SPAG16: variants seen among roughly 807,000 people sequenced by gnomAD.
SPAG16 encodes sperm associated antigen 16.
In SPAG16, 86 loss-of-function variants were observed where a neutral mutation model predicts 80.4. That is an observed-to-expected ratio of 1.07 (90% CI 0.90 to 1.28). The LOEUF (loss-of-function observed/expected upper bound fraction) is 1.28. Among genes scored for constraint, SPAG16 ranks in the 50% most tolerant of loss-of-function variants. SPAG16 has a pLI of 0.00. For missense variants in SPAG16, 870 were observed against 765.3 expected (o/e 1.14, Z -1.61); for synonymous variants, 294 against 265.9 (o/e 1.11, Z -1.03).
chr2:214,402,630 T>A (rs867038898), intron 15 of SPAG16, among the ~76,000 whole-genome samples: 18 of 152,138 alleles, frequency 1.2e-4, no homozygotes, highest in Middle Eastern at 6.8e-3. Flanking sequence ...TTCCCCTATA[T>A]CAAAAATTAA....
chr2:213,861,724 T>A (rs1046373982), intron 10 of SPAG16, among the ~76,000 whole-genome samples: 3 of 152,212 alleles, frequency 2.0e-5, no homozygotes, highest in African/African-American at 7.2e-5. Flanking sequence ...TGTAGACTTT[T>A]GATTTTAAAA....
intron 10 of SPAG16, among the ~76,000 whole-genome samples, chr2:213,807,224 T>A (rs1345611811): frequency 3.3e-5 from 5 of 152,176 alleles, no homozygotes; most frequent in South Asian, 4.1e-4. Context: ...CTCATTTGCT[T>A]CCATACTCCT....
At chr2:214,407,732 C>G (rs1325419868) in intron 15 of SPAG16, among the ~76,000 whole-genome samples, 1 of 152,116 alleles carries the variant, frequency 6.6e-6, no homozygotes, top group Non-Finnish European at 1.5e-5. Flanking sequence ...CCTCTTCTCT[C>G]TCAAACCAAT....
At chr2:214,168,506 T>TGC (rs1411865869) in intron 15 of SPAG16, among the ~76,000 whole-genome samples, 1 of 151,848 alleles carries the variant, frequency 6.6e-6, no homozygotes, top group Non-Finnish European at 1.5e-5. Flanking sequence ...CGCACACACA[T>TGC]GCACACACAC....
intron 11 of SPAG16, among the ~76,000 whole-genome samples, chr2:213,876,521 C>T (rs188840166): frequency 6.6e-6 from 1 of 152,098 alleles, no homozygotes; most frequent in Admixed American, 6.6e-5. Flanking sequence ...AGAGATTACA[C>T]CAGTACCTGA....
At chr2:214,193,331 A>G (rs2057720071) in intron 15 of SPAG16, among the ~76,000 whole-genome samples, 1 of 151,754 alleles carries the variant, frequency 6.6e-6, no homozygotes, top group Admixed American at 6.6e-5. Flanking sequence ...CAAGATACTC[A>G]TCCAATTAAA....
At chr2:213,883,879 C>T (rs964613661) in intron 11 of SPAG16, among the ~76,000 whole-genome samples, 1 of 152,086 alleles carries the variant, frequency 6.6e-6, no homozygotes, top group African/African-American at 2.4e-5. Flanking sequence ...TTTCTCTGTC[C>T]ATTTACTTTG....
intron 10 of SPAG16, among the ~76,000 whole-genome samples, chr2:213,646,827 G>C (rs2062840570): frequency 6.6e-6 from 1 of 152,166 alleles, no homozygotes. Context: ...CTTCACAATA[G>C]CACATCTGTA....
chr2:213,596,981 A>G (rs1025777045), intron 10 of SPAG16, among the ~76,000 whole-genome samples: 1 of 152,100 alleles, frequency 6.6e-6, no homozygotes, highest in Non-Finnish European at 1.5e-5. Context: ...TTTTGCGGAG[A>G]CTTATGAAAT....
At chr2:214,079,816 C>A (rs974784909) in intron 13 of SPAG16, among the ~76,000 whole-genome samples, 1 of 152,106 alleles carries the variant, frequency 6.6e-6, no homozygotes, top group Non-Finnish European at 1.5e-5. Flanking sequence ...GTCTTCCCAA[C>A]CCCAGGTTTT....
chr2:213,894,610 A>C (rs1174968224), intron 11 of SPAG16, among the ~76,000 whole-genome samples: 1 of 152,172 alleles, frequency 6.6e-6, no homozygotes, highest in African/African-American at 2.4e-5. Flanking sequence ...GCAATTAGGT[A>C]AGAAAAGGAA....
chr2:213,490,351 G>A (rs2074185117), intron 10 of SPAG16, among the ~76,000 whole-genome samples: 1 of 152,110 alleles, frequency 6.6e-6, no homozygotes, highest in African/African-American at 2.4e-5. Flanking sequence ...ATCATTTTTA[G>A]AGAAGTTTCT....
intron 15 of SPAG16, among the ~76,000 whole-genome samples, chr2:214,354,722 G>A (rs1048129369): frequency 1.3e-5 from 2 of 151,722 alleles, no homozygotes; most frequent in African/African-American, 4.8e-5. Flanking sequence ...CACATCCCTT[G>A]TAAGTTGGAT....
In SPAG16 at chr2:214,250,914, T is replaced by C. The variant is rs540280832; in HGVS notation, c.1720+101648T>C. ...ATTATTTTGATGGTTTGTTCCACTT[T>C]ATAATGTCAGAAAAATATGCTACAT... On this transcript the variant is annotated intron_variant, in intron 15 of 15. Transcript: ENST00000331683. 1.6e-3 allele frequency among the ~76,000 whole-genome samples: 249 copies of C among 151,266 alleles called. 2 individuals carry two copies. The highest frequency in any genetic ancestry group is 5.4e-3 in the African/African-American group (222 of 41,398).
intron 9 of SPAG16, among the ~76,000 whole-genome samples, chr2:213,445,936 C>G (rs1276960594): frequency 6.6e-6 from 1 of 152,122 alleles, no homozygotes. Flanking sequence ...AGCTGCAGAC[C>G]TGGTTCCAGC....
chr2:213,337,503 C>T (rs1421886061), intron 5 of SPAG16, among the ~76,000 whole-genome samples: 1 of 152,068 alleles, frequency 6.6e-6, no homozygotes, highest in Non-Finnish European at 1.5e-5. Context: ...TGTTTACCAA[C>T]ATAACTAGTA....
At chr2:213,781,134 A>G (rs1350477914) in intron 10 of SPAG16, among the ~76,000 whole-genome samples, 2 of 152,154 alleles carry the variant, frequency 1.3e-5, no homozygotes, top group African/African-American at 2.4e-5. Context: ...TCCTTGGTTG[A>G]GCATGTCTTC....
At chr2:213,846,904 A>C (rs1040268248) in intron 10 of SPAG16, among the ~76,000 whole-genome samples, 1 of 152,158 alleles carries the variant, frequency 6.6e-6, no homozygotes, top group African/African-American at 2.4e-5. Context: ...CTAGTCTCTT[A>C]TCTGGAGGCT....
chr2:214,255,737 G>C (rs956843706), intron 15 of SPAG16, among the ~76,000 whole-genome samples: 1 of 151,918 alleles, frequency 6.6e-6, no homozygotes, highest in Non-Finnish European at 1.5e-5. Context: ...CTACAGTAAA[G>C]CTGCAAATAA....
Sources: allele counts gnomAD v4.1 joint callset (sites outside exome capture counted in the v4.1 genomes callset), GRCh38; gene constraint gnomAD v4.1.1; transcripts MANE v1.5; gene names NCBI Gene and HGNC (gene_info 2026-07-23, HGNC 2026-07-21).